The following VWC2L variants were observed in gnomAD, a reference collection of about 807,000 sequenced individuals.
VWC2L encodes von Willebrand factor C domain-containing protein 2-like.
VWC2L carries 10 observed loss-of-function variants against 21.6 expected under a neutral mutation model. The observed-to-expected ratio is 0.46, with a 90% CI of 0.29 to 0.78. The LOEUF (loss-of-function observed/expected upper bound fraction) is 0.78, where lower values mean the gene tolerates loss of function less well. Among genes scored for constraint, VWC2L ranks in the 30% least tolerant of loss-of-function variants. The pLI is 0.10. For missense variants in VWC2L, 209 were observed against 277.1 expected, an observed-to-expected ratio of 0.75 and a Z score of 1.74; for synonymous variants, 96 against 94.3, an observed-to-expected ratio of 1.02 and a Z score of -0.10.
intron 3 of VWC2L, among the ~76,000 whole-genome samples, chr2:214,540,876 C>A (rs1455803881): frequency 6.6e-6 from 1 of 152,120 alleles, no homozygotes; most frequent in Non-Finnish European, 1.5e-5. Flanking sequence ...AGAGTCAGAC[C>A]AAAGCTCTTC....
chr2:214,557,229 C>T (rs1054483879), intron 3 of VWC2L, among the ~76,000 whole-genome samples: 10 of 152,016 alleles, frequency 6.6e-5, no homozygotes, highest in Non-Finnish European at 1.2e-4. Context: ...CTCACAATCA[C>T]GGCAGAAGGC....
intron 3 of VWC2L, among the ~76,000 whole-genome samples, chr2:214,450,251 A>G (rs1055211811): frequency 1.5e-4 from 23 of 152,260 alleles, no homozygotes; most frequent in African/African-American, 4.6e-4. Context: ...CAAAATCTAC[A>G]TTGAATTCTT....
At chr2:214,460,786 CTGG>C (rs1703129461) in intron 3 of VWC2L, among the ~76,000 whole-genome samples, 1 of 149,080 alleles carries the variant, frequency 6.7e-6, no homozygotes, top group African/African-American at 2.5e-5. Flanking sequence ...GAATGTGTTA[CTGG>C]TGAATTATTG....
intron 3 of VWC2L, among the ~76,000 whole-genome samples, chr2:214,517,430 C>A (rs1054538789): frequency 1.3e-5 from 2 of 152,132 alleles, no homozygotes; most frequent in African/African-American, 4.8e-5. Flanking sequence ...ACGTCTCAAT[C>A]AGTTGGAGGG....
At chr2:214,450,972 T>C (rs1228534119) in intron 3 of VWC2L, among the ~76,000 whole-genome samples, 2 of 152,142 alleles carry the variant, frequency 1.3e-5, no homozygotes, top group East Asian at 3.9e-4. Context: ...AAGCTGAAGC[T>C]GAGCTAAAAT....
chr2:214,417,766 A>G (rs1702379360), intron 2 of VWC2L, among the ~76,000 whole-genome samples: 1 of 152,212 alleles, frequency 6.6e-6, no homozygotes, highest in Non-Finnish European at 1.5e-5. Flanking sequence ...TAAAATGCGG[A>G]TTGTTCTGTA....
intron 3 of VWC2L, among the ~76,000 whole-genome samples, chr2:214,512,477 A>C (rs1045078618): frequency 1.1e-4 from 16 of 152,118 alleles, no homozygotes; most frequent in Admixed American, 6.5e-5. Context: ...CCTGGGTGAC[A>C]AAGTAATCTG....
At chr2:214,567,585 C>G (rs374049013) in intron 3 of VWC2L, among the ~76,000 whole-genome samples, 54,844 of 110,782 alleles carry the variant, frequency 0.5, 11,581 homozygotes, top group South Asian at 0.6. Context: ...CACACACACA[C>G]ACACACACAC....
intron 3 of VWC2L, among the ~76,000 whole-genome samples, chr2:214,499,955 G>C (rs1240956644): frequency 6.6e-6 from 1 of 152,202 alleles, no homozygotes; most frequent in Non-Finnish European, 1.5e-5. Context: ...GGGCTATTAC[G>C]GTAGATAGGA....
At chr2:214,553,244 G>GAACAGTAACAGTCGAA (rs1689822413) in intron 3 of VWC2L, among the ~76,000 whole-genome samples, 3 of 152,216 alleles carry the variant, frequency 2.0e-5, no homozygotes, top group Non-Finnish European at 4.4e-5. Flanking sequence ...GTCGAACTCT[G>GAACAGTAACAGTCGAA]TAAGATATTT....
intron 2 of VWC2L, among the ~76,000 whole-genome samples, chr2:214,419,578 G>T (rs1173619429): frequency 6.6e-6 from 1 of 152,094 alleles, no homozygotes; most frequent in African/African-American, 2.4e-5. Flanking sequence ...ATTTTAAAGT[G>T]ATTTTCTGCA....
intron 3 of VWC2L, among the ~76,000 whole-genome samples, chr2:214,531,943 C>T (rs972156178): frequency 1.3e-5 from 2 of 152,054 alleles, no homozygotes; most frequent in African/African-American, 4.8e-5. Context: ...GTGTTTCAAT[C>T]TTCATAAGGA....
At chr2:214,431,377 T>A (rs78139313) in intron 2 of VWC2L, among the ~76,000 whole-genome samples, 8,296 of 152,278 alleles carry the variant, frequency 0.054, 350 homozygotes, top group Non-Finnish European at 0.078. Flanking sequence ...AATAGTTGTT[T>A]AAGGGGAGTT....
intron 3 of VWC2L, among the ~76,000 whole-genome samples, chr2:214,563,818 T>C (rs905856565): frequency 6.6e-6 from 1 of 152,090 alleles, no homozygotes; most frequent in Non-Finnish European, 1.5e-5. Context: ...CTATTTAAGA[T>C]AGTATTAGAA....
intron 3 of VWC2L, among the ~76,000 whole-genome samples, chr2:214,481,170 A>G (rs1688599500): frequency 6.6e-6 from 1 of 152,220 alleles, no homozygotes; most frequent in Non-Finnish European, 1.5e-5. Context: ...CCCATTAAAC[A>G]GAGGTGGAGT....
intron 3 of VWC2L, among the ~76,000 whole-genome samples, chr2:214,529,369 T>C (rs887271798): frequency 6.6e-6 from 1 of 152,166 alleles, no homozygotes; most frequent in Non-Finnish European, 1.5e-5. Flanking sequence ...CTAGCCAGCG[T>C]GACAGGTTCA....
At chr2:214,508,907 CT>C (rs139490243) in intron 3 of VWC2L, among the ~76,000 whole-genome samples, 1 of 152,056 alleles carries the variant, frequency 6.6e-6, no homozygotes, top group East Asian at 1.9e-4. Context: ...AATGGTTTTT[CT>C]TTTTTTCCTT....
At chr2:214,476,296 G>T (rs925878867) in intron 3 of VWC2L, among the ~76,000 whole-genome samples, 2 of 152,116 alleles carry the variant, frequency 1.3e-5, no homozygotes, top group African/African-American at 2.4e-5. Flanking sequence ...ACCAAATCAT[G>T]CACATTCCAA....
At chr2:214,422,299 TTG>T (rs112286362) in intron 2 of VWC2L, among the ~76,000 whole-genome samples, 41 of 150,168 alleles carry the variant, frequency 2.7e-4, no homozygotes, top group African/African-American at 4.4e-4. Context: ...ATGCATTAAT[TTG>T]TGTGTGTGTG....
Sources: gnomAD v4.1 joint callset for allele counts (sites outside exome capture counted in the v4.1 genomes callset) on GRCh38, gnomAD v4.1.1 for gene constraint, MANE v1.5 for transcripts, NCBI Gene and HGNC (gene_info 2026-07-23, HGNC 2026-07-21) for gene names.